Variants in LHFPL3 observed in about 807,000 individuals in gnomAD.
The protein encoded by LHFPL3 is LHFPL tetraspan subfamily member 3.
In LHFPL3, 5 loss-of-function variants were observed where a neutral mutation model predicts 19.3. The observed-to-expected ratio is 0.26, with a 90% CI of 0.14 to 0.54. LHFPL3 has a LOEUF of 0.54. Ranked by LOEUF, LHFPL3 falls within the 20% of genes least tolerant of loss-of-function variation. The pLI, the probability that LHFPL3 is intolerant of heterozygous loss-of-function variation, is 0.94. For synonymous variants in LHFPL3, 133 were observed against 126.2 expected, an observed-to-expected ratio of 1.05 and a Z score of -0.36; for missense variants, 249 against 307.4, an observed-to-expected ratio of 0.81 and a Z score of 1.42.
chr7:104,554,276 A>G (rs1405848608), intron 1 of LHFPL3, among the ~76,000 whole-genome samples: 1 of 152,100 alleles, frequency 6.6e-6, no homozygotes, highest in East Asian at 1.9e-4. Flanking sequence ...GAAATGGATT[A>G]TAATAATGTT....
At chr7:104,451,005 C>G (rs996520549) in intron 1 of LHFPL3, among the ~76,000 whole-genome samples, 3 of 152,128 alleles carry the variant, frequency 2.0e-5, no homozygotes, top group East Asian at 1.9e-4. Context: ...TTCCCTTCAC[C>G]CTTTCATACA....
chr7:104,536,137 A>C (rs1239692292), intron 1 of LHFPL3, among the ~76,000 whole-genome samples: 2 of 152,260 alleles, frequency 1.3e-5, no homozygotes, highest in South Asian at 4.1e-4. Context: ...ACTCATATCA[A>C]GATGAAATGG....
At chr7:104,552,272 C>T (rs10480656) in intron 1 of LHFPL3, among the ~76,000 whole-genome samples, 5 of 151,982 alleles carry the variant, frequency 3.3e-5, no homozygotes, top group East Asian at 1.9e-4. Flanking sequence ...GCAAGACCAA[C>T]GCCTAGTGAC....
intron 1 of LHFPL3, among the ~76,000 whole-genome samples, chr7:104,690,980 T>C (rs149461379): frequency 6.6e-6 from 1 of 152,204 alleles, no homozygotes; most frequent in African/African-American, 2.4e-5. Context: ...CCCCCATAGA[T>C]GAATCACAGC....
intron 1 of LHFPL3, among the ~76,000 whole-genome samples, chr7:104,656,601 G>T (rs1029232830): frequency 1.3e-5 from 2 of 152,184 alleles, no homozygotes; most frequent in Non-Finnish European, 2.9e-5. Context: ...GATCTAAAAG[G>T]GTGGCCCTTT....
chr7:104,721,288 A>T (rs1793485743), intron 1 of LHFPL3, among the ~76,000 whole-genome samples: 1 of 152,162 alleles, frequency 6.6e-6, no homozygotes, highest in African/African-American at 2.4e-5. Flanking sequence ...TATCACAAGG[A>T]CAGAAAACCA....
At chr7:104,736,525 A>T (rs1393805312) in intron 1 of LHFPL3, 150 bp from the exon 2 acceptor site, 1 of 630,894 alleles carries the variant, frequency 1.6e-6, no homozygotes, top group Non-Finnish European at 2.8e-6. Flanking sequence ...ACACACACAC[A>T]CATTCAGAGT....
chr7:104,504,903 T>A (rs1411397325), intron 1 of LHFPL3, among the ~76,000 whole-genome samples: 2 of 152,216 alleles, frequency 1.3e-5, no homozygotes, highest in Non-Finnish European at 2.9e-5. Flanking sequence ...AGTTGGCTAA[T>A]CATCAACAGT....
chr7:104,614,965 G>T (rs1466455407), intron 1 of LHFPL3, among the ~76,000 whole-genome samples: 1 of 151,788 alleles, frequency 6.6e-6, no homozygotes, highest in Non-Finnish European at 1.5e-5. Flanking sequence ...GTGTTGCTCA[G>T]AATGGTCTCA....
At chr7:104,788,202 T>C (rs1360535937) in intron 2 of LHFPL3, among the ~76,000 whole-genome samples, 4 of 152,202 alleles carry the variant, frequency 2.6e-5, no homozygotes, top group Admixed American at 6.5e-5. Context: ...TGACACATGA[T>C]GTAGGTCAAC....
At chr7:104,745,090 C>T (rs1284491800) in intron 2 of LHFPL3, among the ~76,000 whole-genome samples, 2 of 152,178 alleles carry the variant, frequency 1.3e-5, no homozygotes, top group Non-Finnish European at 2.9e-5. Flanking sequence ...CAAAACTGAG[C>T]TTCTGATACT....
chr7:104,378,218 C>T (rs189220527), intron 1 of LHFPL3, among the ~76,000 whole-genome samples: 4 of 152,180 alleles, frequency 2.6e-5, no homozygotes, highest in African/African-American at 9.7e-5. Context: ...TTCCCTCCTG[C>T]CTTTTTGCAG....
chr7:104,747,348 A>G (rs1392421035), intron 2 of LHFPL3, among the ~76,000 whole-genome samples: 2 of 151,540 alleles, frequency 1.3e-5, no homozygotes, highest in Admixed American at 6.5e-5. Context: ...AAAAATGTCT[A>G]TGTGAATTTG....
chr7:104,409,490 C>T (rs933413661), intron 1 of LHFPL3, among the ~76,000 whole-genome samples: 3 of 152,070 alleles, frequency 2.0e-5, no homozygotes, highest in Non-Finnish European at 4.4e-5. Context: ...GTGGTGCACA[C>T]CTGTAGTCCT....
intron 2 of LHFPL3, among the ~76,000 whole-genome samples, chr7:104,834,447 A>G (rs1791052659): frequency 6.6e-6 from 1 of 151,936 alleles, no homozygotes; most frequent in African/African-American, 2.4e-5. Flanking sequence ...GCCCTCATAC[A>G]TCACCAGTGC....
chr7:104,684,658 C>T (rs1002912219), intron 1 of LHFPL3, among the ~76,000 whole-genome samples: 4 of 152,182 alleles, frequency 2.6e-5, no homozygotes, highest in East Asian at 1.9e-4. Flanking sequence ...CACTGGATGC[C>T]ACTGATGTGC....
At chr7:104,600,317 C>T (rs1003035135) in intron 1 of LHFPL3, among the ~76,000 whole-genome samples, 1 of 152,176 alleles carries the variant, frequency 6.6e-6, no homozygotes, top group Non-Finnish European at 1.5e-5. Context: ...TATTGAGATA[C>T]GGAGCTCTGC....
chr7:104,728,291 A>G (rs961150516), intron 1 of LHFPL3, among the ~76,000 whole-genome samples: 1 of 152,140 alleles, frequency 6.6e-6, no homozygotes, highest in African/African-American at 2.4e-5. Context: ...CGGTAAGGCA[A>G]GAGTTATATA....
intron 1 of LHFPL3, among the ~76,000 whole-genome samples, chr7:104,379,204 G>A (rs1790773710): frequency 6.6e-6 from 1 of 152,200 alleles, no homozygotes; most frequent in South Asian, 2.1e-4. Context: ...GGCAAGCTTG[G>A]AAGTCTAGAT....
Sources: gnomAD v4.1 joint callset for allele counts (sites outside exome capture counted in the v4.1 genomes callset) on GRCh38, gnomAD v4.1.1 for gene constraint, MANE v1.5 for transcripts, NCBI Gene and HGNC (gene_info 2026-07-23, HGNC 2026-07-21) for gene names.